Variants in HDAC9 observed in about 807,000 individuals in gnomAD.
The protein encoded by HDAC9 is MEF-2 interacting transcription repressor (MITR) protein.
A neutral mutation model predicts 139.4 loss-of-function variants in HDAC9; 41 were observed. That is an observed-to-expected ratio of 0.29 (90% CI 0.23 to 0.38). The LOEUF (loss-of-function observed/expected upper bound fraction) is 0.38. Ranked by LOEUF, HDAC9 falls within the 10% of genes least tolerant of loss-of-function variation. HDAC9 has a pLI of 1.00. For missense variants in HDAC9, 1,147 were observed against 1,297.0 expected (o/e 0.88, Z 1.78); for synonymous variants, 517 against 476.2 (o/e 1.09, Z -1.12).
intron 22 of HDAC9, among the ~76,000 whole-genome samples, chr7:18,922,565 C>T (rs1803851228): frequency 6.6e-6 from 1 of 152,026 alleles, no homozygotes; most frequent in Non-Finnish European, 1.5e-5. Context: ...TGGGATGAGG[C>T]TCACAAATCT....
intron 23 of HDAC9, among the ~76,000 whole-genome samples, chr7:18,936,461 A>G (rs768530993): frequency 1.3e-5 from 2 of 152,190 alleles, no homozygotes; most frequent in African/African-American, 2.4e-5. Context: ...AGACATGAAC[A>G]TGAATCTAAA....
At chr7:18,689,952 T>A (rs1456852183) in intron 12 of HDAC9, among the ~76,000 whole-genome samples, 1 of 152,036 alleles carries the variant, frequency 6.6e-6, no homozygotes, top group East Asian at 1.9e-4. Flanking sequence ...TAGAAGGTAT[T>A]CTTCCATGGG....
intron 6 of HDAC9, among the ~76,000 whole-genome samples, chr7:18,602,268 C>G (rs553860224): frequency 6.6e-6 from 1 of 151,806 alleles, no homozygotes; most frequent in African/African-American, 2.4e-5. Context: ...CTTTATTATC[C>G]TTCTAACATC....
At chr7:18,605,000 AG>A (rs1835056594) in intron 6 of HDAC9, among the ~76,000 whole-genome samples, 1 of 152,226 alleles carries the variant, frequency 6.6e-6, no homozygotes, top group Non-Finnish European at 1.5e-5. Context: ...ATTGGACAAT[AG>A]AAATTGAGTA....
chr7:18,126,447 A>G (rs1002443563), intron 1 of HDAC9, among the ~76,000 whole-genome samples: 1 of 152,132 alleles, frequency 6.6e-6, no homozygotes, highest in Admixed American at 6.5e-5. Context: ...CTGCAAATCA[A>G]GTGTTTATTC....
At chr7:18,765,789 C>A (rs904264867) in intron 15 of HDAC9, among the ~76,000 whole-genome samples, 12 of 152,066 alleles carry the variant, frequency 7.9e-5, no homozygotes, top group African/African-American at 2.9e-4. Flanking sequence ...GAAAACTTTA[C>A]TCCTCCCCCA....
chr7:18,561,568 C>T (rs569088681), intron 2 of HDAC9, among the ~76,000 whole-genome samples: 31 of 152,190 alleles, frequency 2.0e-4, no homozygotes, highest in East Asian at 1.9e-3. Flanking sequence ...TAAAAGAAAC[C>T]CCAGACCCAT....
intron 2 of HDAC9, among the ~76,000 whole-genome samples, chr7:18,564,589 T>G (rs895608518): frequency 3.3e-5 from 5 of 152,210 alleles, no homozygotes; most frequent in Admixed American, 2.6e-4. Context: ...ATTTTTATTT[T>G]TTTATTCTAA....
At chr7:18,797,823 C>T (rs2129181986) in intron 17 of HDAC9, among the ~76,000 whole-genome samples, 1 of 150,726 alleles carries the variant, frequency 6.6e-6, no homozygotes, top group South Asian at 2.1e-4. Context: ...AGTAAGACTC[C>T]ATCTCAGAAA....
intron 12 of HDAC9, among the ~76,000 whole-genome samples, chr7:18,721,795 T>G (rs1424633423): frequency 6.6e-6 from 1 of 152,184 alleles, no homozygotes; most frequent in Non-Finnish European, 1.5e-5. Context: ...CGGAACCATG[T>G]AATTTCCTTA....
chr7:18,895,296 T>G (rs529981298), intron 22 of HDAC9, among the ~76,000 whole-genome samples: 77 of 152,242 alleles, frequency 5.1e-4, no homozygotes, highest in African/African-American at 1.8e-3. Context: ...GATTATCTGA[T>G]GTACTAAGGA....
intron 23 of HDAC9, among the ~76,000 whole-genome samples, chr7:18,940,702 C>T (rs2129314321): frequency 6.6e-6 from 1 of 152,238 alleles, no homozygotes; most frequent in Non-Finnish European, 1.5e-5. Context: ...TGTATTTGAG[C>T]TGATTGGCAA....
chr7:18,572,219 T>C (rs561669161), intron 2 of HDAC9, among the ~76,000 whole-genome samples: 229 of 151,274 alleles, frequency 1.5e-3, no homozygotes, highest in African/African-American at 5.5e-3. Context: ...CCTCAAATAT[T>C]AGGGTTTCAT....
intron 22 of HDAC9, among the ~76,000 whole-genome samples, chr7:18,901,207 CATATATATAT>C (rs3085465): frequency 9.4e-5 from 13 of 138,862 alleles, no homozygotes; most frequent in Admixed American, 5.0e-4. Flanking sequence ...ACTATATATA[CATATATATAT>C]ATATACACAC....
intron 1 of HDAC9, among the ~76,000 whole-genome samples, chr7:18,411,987 A>T (rs560895173): frequency 1.3e-5 from 2 of 151,752 alleles, no homozygotes; most frequent in East Asian, 3.9e-4. Flanking sequence ...CACTATGCCC[A>T]GCTAATGTTT....
intron 16 of HDAC9, among the ~76,000 whole-genome samples, chr7:18,786,796 T>TTTCTTTCC (rs1554355285): frequency 2.5e-4 from 11 of 44,062 alleles, no homozygotes; most frequent in African/African-American, 8.2e-4. Context: ...TCTTTCTTTC[T>TTTCTTTCC]TTCCTTCCTT....
intron 14 of HDAC9, among the ~76,000 whole-genome samples, chr7:18,752,746 T>A (rs1345709665): frequency 6.6e-6 from 1 of 152,154 alleles, no homozygotes; most frequent in African/African-American, 2.4e-5. Context: ...ATATAATGCA[T>A]ACAAGCCAGG....
At chr7:18,575,049 A>G (rs1825594244) in intron 2 of HDAC9, among the ~76,000 whole-genome samples, 1 of 152,248 alleles carries the variant, frequency 6.6e-6, no homozygotes, top group Non-Finnish European at 1.5e-5. Flanking sequence ...AGCTGGTGTC[A>G]TGGCAGCAGC....
At chr7:18,555,418 G>A (rs1320422448) in intron 2 of HDAC9, among the ~76,000 whole-genome samples, 1 of 152,158 alleles carries the variant, frequency 6.6e-6, no homozygotes, top group African/African-American at 2.4e-5. Flanking sequence ...AATTCTAATG[G>A]ATAATTTTGG....
Sources: gnomAD v4.1 joint callset for allele counts (sites outside exome capture counted in the v4.1 genomes callset) on GRCh38, gnomAD v4.1.1 for gene constraint, MANE v1.5 for transcripts, NCBI Gene and HGNC (gene_info 2026-07-23, HGNC 2026-07-21) for gene names.